The following ALDH3A1 variants were observed in gnomAD, a reference collection of about 807,000 sequenced individuals.
ALDH3A1 encodes aldehyde dehydrogenase 3 family member A1, also known as aldehyde dehydrogenase, dimeric NADP-preferring.
A neutral mutation model predicts 49.9 loss-of-function variants in ALDH3A1; 46 were observed. That is an observed-to-expected ratio of 0.92 (90% CI 0.73 to 1.18). The LOEUF (loss-of-function observed/expected upper bound fraction) is 1.18, where lower values mean the gene tolerates loss of function less well. ALDH3A1 is among the 50% of genes most tolerant of loss of function. The pLI, the probability that ALDH3A1 is intolerant of heterozygous loss-of-function variation, is 0.00. For missense variants in ALDH3A1, 592 were observed against 611.8 expected (o/e 0.97, Z 0.34); for synonymous variants, 269 against 253.3 (o/e 1.06, Z -0.59).
Position 19,745,070 on chromosome 17 carries a change from G to C in ALDH3A1, c.60C>G (p.Thr20=). The C allele has an allele frequency of 3.8e-6, 6 of 1,595,374 alleles. No homozygotes were observed. Among genetic ancestry groups the C allele is most frequent in the Non-Finnish European group, 5.1e-6 (6 of 1,177,486 alleles). The change falls in exon 2 of 11, where the codon ACC becomes ACG. Residue 20 remains threonine (T), a synonymous_variant. Coordinates refer to ENST00000225740, the MANE Select transcript of ALDH3A1 (RefSeq NM_000691.5). ...RARAAFSSGR[T]RPLQFRIQQL... ...GCTGGATCCGGAACTGCAGCGGACG[G>C]GTCCTGCCCGAGCTGAAGGCGGCGC... is the stretch of plus-strand genomic sequence containing the variant.
chr17:19,744,387 A>G, intron 2 of ALDH3A1: 1 of 970,484 alleles, frequency 1.0e-6, no homozygotes. Flanking sequence ...TGGGCGACAG[A>G]GCGAGACTCT....
chr17:19,742,521 A>C (rs1022912567), intron 4 of ALDH3A1, 24 bp downstream of exon 4: 5 of 1,605,478 alleles, frequency 3.1e-6, no homozygotes, highest in African/African-American at 1.3e-5. Flanking sequence ...CCATGGAGTT[A>C]CGAGGCCCTG....
intron 1 of ALDH3A1, among the ~76,000 whole-genome samples, chr17:19,747,402 T>C (rs960936941): frequency 6.6e-6 from 1 of 152,192 alleles, no homozygotes; most frequent in African/African-American, 2.4e-5. Context: ...CCCCTCCTGC[T>C]GACCACAACC....
intron 3 of ALDH3A1, 88 bp from the exon 4 acceptor site, chr17:19,742,718 C>A: frequency 1.2e-6 from 2 of 1,600,720 alleles, no homozygotes; most frequent in East Asian, 2.3e-5. Flanking sequence ...GCCTCCCCTC[C>A]ATTGTGTGTC....
chr17:19,741,771 A>C (rs1055412442), intron 5 of ALDH3A1, among the ~76,000 whole-genome samples: 1 of 152,042 alleles, frequency 6.6e-6, no homozygotes, highest in Non-Finnish European at 1.5e-5. Flanking sequence ...CACTCAGCAA[A>C]CAGAGCTCAG....
intron 5 of ALDH3A1, 81 bp downstream of exon 5, chr17:19,741,923 G>T: frequency 7.2e-7 from 1 of 1,380,246 alleles, no homozygotes; most frequent in African/African-American, 1.4e-5. Context: ...ACTCAGAGTG[G>T]ACCCACAGCA....
intron 5 of ALDH3A1, 133 bp from the exon 6 acceptor site, chr17:19,741,343 G>C (rs1292597583): frequency 1.4e-6 from 1 of 714,342 alleles, no homozygotes; most frequent in Non-Finnish European, 2.4e-6. Flanking sequence ...CTCCCAAGCG[G>C]TCTGCTCACT....
chr17:19,738,552 C>T (rs1316685050), intron 9 of ALDH3A1, 99 bp from the exon 10 acceptor site: 2 of 1,511,000 alleles, frequency 1.3e-6, no homozygotes, highest in African/African-American at 1.4e-5. Flanking sequence ...ACCACAGGGA[C>T]AGGGAGGCAG....
chr17:19,740,215 G>A (rs2086464442), intron 7 of ALDH3A1, 121 bp downstream of exon 7: 2 of 1,389,794 alleles, frequency 1.4e-6, no homozygotes, highest in Admixed American at 2.0e-5. Context: ...CCTGGTGAAA[G>A]CAATTTATAC....
intron 6 of ALDH3A1, among the ~76,000 whole-genome samples, chr17:19,740,695 G>T (rs1460405151): frequency 2.6e-5 from 4 of 151,884 alleles, no homozygotes; most frequent in Admixed American, 2.6e-4. Context: ...CTGTTGCCCA[G>T]GCTGGAGTGC....
chr17:19,739,805 A>AG, intron 7 of ALDH3A1, 131 bp from the exon 8 acceptor site: 1 of 1,184,676 alleles, frequency 8.4e-7, no homozygotes, highest in African/African-American at 1.5e-5. Flanking sequence ...GGCAGGGACG[A>AG]GGCCTCAGAG....
At chr17:19,744,659 G>A (rs2086564246) in intron 2 of ALDH3A1, 1 of 985,392 alleles carries the variant, frequency 1.0e-6, no homozygotes, top group Non-Finnish European at 1.2e-6. Context: ...AAGTGGTCCT[G>A]CGTGGGGCTG....
intron 7 of ALDH3A1, 140 bp downstream of exon 7, chr17:19,740,196 C>T (rs976431949): frequency 4.7e-5 from 53 of 1,135,288 alleles, no homozygotes; most frequent in Non-Finnish European, 5.2e-5. Flanking sequence ...TGGAGTCTAC[C>T]GCAGGCTCCC....
chr17:19,740,598 T>C (rs1461903112), intron 6 of ALDH3A1, 121 bp from the exon 7 acceptor site: 1 of 1,129,686 alleles, frequency 8.9e-7, no homozygotes, highest in East Asian at 2.4e-5. Flanking sequence ...GGAGCTTTTT[T>C]CTTCTTTATG....
chr17:19,746,496 G>C (rs1020988204), intron 1 of ALDH3A1, among the ~76,000 whole-genome samples: 1 of 151,818 alleles, frequency 6.6e-6, no homozygotes, highest in Non-Finnish European at 1.5e-5. Flanking sequence ...TGAAGGCCTC[G>C]GGTAAGTAAT....
Position 19,739,551 on chromosome 17 carries a change from C to T in ALDH3A1, c.1073G>A (p.Arg358His), listed in dbSNP as rs754938166. The stretch of plus-strand genomic sequence containing the variant: ...CATGTAGAGGGCCAGGGGCTTCTCA[C>T]GCTGGTTGATGAACTGGATGGCCTC... ...LEEAIQFINQ[R>H]EKPLALYMFS... is the part of the protein sequence containing the mutation. The change falls in exon 8 of 11, where the codon CGT becomes CAT. Residue 358 changes from arginine (R) to histidine (H), a missense_variant. Transcript: ENST00000225740. The T allele has an allele frequency of 6.2e-6, 10 of 1,612,930 alleles. No individual in the cohort carries two copies. Among genetic ancestry groups the T allele is most frequent in the East Asian group, 4.5e-5 (2 of 44,866 alleles).
At position 19,743,199 on chromosome 17, in the gene ALDH3A1, T is replaced by C. The variant is rs2086533056; in HGVS notation, c.394+33A>G. The C allele has an allele frequency of 6.2e-7, 1 of 1,611,168 alleles. No homozygotes were observed. The highest frequency in any genetic ancestry group is 1.7e-5 in the Admixed American group (1 of 59,636). On this transcript the variant is annotated intron_variant, in intron 3 of 10. Coordinates refer to ENST00000225740, the MANE Select transcript of ALDH3A1 (RefSeq NM_000691.5). This position sits in a 1 kb window ranked among gnomAD's most constrained non-coding sequence, Gnocchi z 4.4. Reference sequence around the variant, plus strand: ...TTGGCTCCACGCTGGGGGACGGTGCTCCCCCAGCTTCCCTTCCCACAGGGC... The same window carrying C: ...TTGGCTCCACGCTGGGGGACGGTGCCCCCCCAGCTTCCCTTCCCACAGGGC...
At chr17:19,744,048 T>C in intron 2 of ALDH3A1, 1 of 985,368 alleles carries the variant, frequency 1.0e-6, no homozygotes, top group Non-Finnish European at 1.2e-6. Flanking sequence ...GTCAACAGAA[T>C]GGGTTTCCTT....
chr17:19,744,895 T>TGCCCCCCCCCCCCCCCC, intron 2 of ALDH3A1, 73 bp downstream of exon 2: 3 of 924,174 alleles, frequency 3.2e-6, no homozygotes, highest in Non-Finnish European at 4.2e-6. Flanking sequence ...GGTCGCACTC[T>TGCCCCCCCCCCCCCCCC]CCCCAGCCCC....
Sources: allele counts gnomAD v4.1 joint callset (sites outside exome capture counted in the v4.1 genomes callset), GRCh38; gene constraint gnomAD v4.1.1; non-coding constraint Gnocchi (gnomAD v3.1); transcripts MANE v1.5; gene names NCBI Gene and HGNC (gene_info 2026-07-23, HGNC 2026-07-21).